DTNB: variants seen among roughly 807,000 people sequenced by gnomAD.
DTNB encodes DTN-B.
A neutral mutation model predicts 90.7 loss-of-function variants in DTNB; 63 were observed. The ratio of observed to expected loss-of-function variants is 0.69; its 90% confidence interval spans 0.57 to 0.86. DTNB has a LOEUF of 0.86. Among genes scored for constraint, DTNB ranks in the 40% least tolerant of loss-of-function variants. The pLI is 0.00. For missense variants in DTNB, 744 were observed against 807.1 expected (o/e 0.92, Z 0.95); for synonymous variants, 277 against 286.7 (o/e 0.97, Z 0.34).
At chr2:25,554,914 T>C (rs1483188504) in intron 8 of DTNB, among the ~76,000 whole-genome samples, 2 of 152,150 alleles carry the variant, frequency 1.3e-5, no homozygotes, top group Non-Finnish European at 2.9e-5. Flanking sequence ...AAATTTAAAA[T>C]AGAGGTTATC....
At chr2:25,435,633 A>G (rs2055485530) in intron 12 of DTNB, among the ~76,000 whole-genome samples, 1 of 152,174 alleles carries the variant, frequency 6.6e-6, no homozygotes, top group African/African-American at 2.4e-5. Flanking sequence ...TTGTTTACCC[A>G]TTCATCAGCT....
intron 9 of DTNB, among the ~76,000 whole-genome samples, chr2:25,526,395 A>ATATATATATATTTTT: frequency 1.9e-3 from 95 of 49,810 alleles, no homozygotes; most frequent in East Asian, 0.015. Context: ...ATATATATAT[A>ATATATATATATTTTT]TTTTTTTTTT....
At chr2:25,505,244 C>T (rs2072086037) in intron 9 of DTNB, among the ~76,000 whole-genome samples, 2 of 152,188 alleles carry the variant, frequency 1.3e-5, no homozygotes, top group Non-Finnish European at 2.9e-5. Flanking sequence ...CTGACAATGA[C>T]ACTCTTCCAG....
chr2:25,492,138 A>G (rs914881359), intron 9 of DTNB, among the ~76,000 whole-genome samples: 35 of 152,322 alleles, frequency 2.3e-4, no homozygotes, highest in African/African-American at 8.2e-4. Flanking sequence ...TGTTGTTTCT[A>G]TAGGAAGATA....
intron 12 of DTNB, among the ~76,000 whole-genome samples, chr2:25,436,757 A>T (rs1558520085): frequency 6.6e-6 from 1 of 152,188 alleles, no homozygotes; most frequent in Non-Finnish European, 1.5e-5. Context: ...TCAGAAAAGT[A>T]GCTTGCTTGA....
chr2:25,422,635 T>G (rs1286929892), intron 15 of DTNB, among the ~76,000 whole-genome samples: 1 of 151,940 alleles, frequency 6.6e-6, no homozygotes, highest in Non-Finnish European at 1.5e-5. Flanking sequence ...TGACCTCAGG[T>G]GATCCACCTG....
At chr2:25,378,358 C>T (rs1031255753) in intron 20 of DTNB, among the ~76,000 whole-genome samples, 4 of 152,162 alleles carry the variant, frequency 2.6e-5, no homozygotes, top group Admixed American at 6.5e-5. Flanking sequence ...CTCCTCAGCT[C>T]GCACAATCCA....
chr2:25,512,601 A>G (rs1234001327), intron 9 of DTNB, among the ~76,000 whole-genome samples: 1 of 152,260 alleles, frequency 6.6e-6, no homozygotes, highest in African/African-American at 2.4e-5. Context: ...TGATAAAACA[A>G]TAAGAGCTCA....
intron 12 of DTNB, 97 bp from the exon 13 acceptor site, chr2:25,434,092 T>A: frequency 9.0e-7 from 1 of 1,109,240 alleles, no homozygotes. Context: ...TTTTGACATA[T>A]AATTTACATA....
chr2:25,488,747 G>C (rs1291345730), intron 9 of DTNB, among the ~76,000 whole-genome samples: 2 of 152,190 alleles, frequency 1.3e-5, no homozygotes, highest in African/African-American at 4.8e-5. Flanking sequence ...CCACCTCCCA[G>C]GTTCAAGCGA....
At chr2:25,566,919 G>GTC (rs2059131110) in intron 8 of DTNB, among the ~76,000 whole-genome samples, 1 of 152,158 alleles carries the variant, frequency 6.6e-6, no homozygotes, top group Non-Finnish European at 1.5e-5. Context: ...GCTGAGGCAG[G>GTC]AAGTACAGAC....
rs553984024 is a variant in DTNB, at chr2:25,586,466, C to T, written c.604-5640G>A. 6.7e-5 allele frequency among the ~76,000 whole-genome samples: 10 copies of T among 149,338 alleles called. No individual in the cohort carries two copies. In the South Asian group the frequency reaches 1.7e-3, roughly 25 times the overall value. ...TGGAGGTTGCAGTGAGTCGAGATTG[C>T]GCCACTGCACTCCAGCCTGGGCGAC... On this transcript the variant is annotated intron_variant, in intron 6 of 20. Transcript: ENST00000406818.
chr2:25,652,254 T>C (rs1269617250), intron 2 of DTNB, among the ~76,000 whole-genome samples: 3 of 152,240 alleles, frequency 2.0e-5, no homozygotes, highest in African/African-American at 7.2e-5. Context: ...AGGTAATTTA[T>C]ATAATGTATT....
chr2:25,472,026 T>A (rs2062908936), intron 10 of DTNB, among the ~76,000 whole-genome samples: 2 of 152,216 alleles, frequency 1.3e-5, no homozygotes, highest in South Asian at 4.1e-4. Flanking sequence ...GTGATTTATT[T>A]GAAATAACTG....
At chr2:25,603,050 G>A (rs192015965) in intron 5 of DTNB, among the ~76,000 whole-genome samples, 1 of 152,092 alleles carries the variant, frequency 6.6e-6, no homozygotes, top group East Asian at 1.9e-4. Flanking sequence ...TCTTTTTAAA[G>A]CCTTCCTGAT....
At chr2:25,569,344 C>T (rs1326854791) in intron 8 of DTNB, among the ~76,000 whole-genome samples, 1 of 152,176 alleles carries the variant, frequency 6.6e-6, no homozygotes, top group African/African-American at 2.4e-5. Flanking sequence ...AAATATTTAT[C>T]AAGCGTCTCA....
chr2:25,639,935 A>G (rs554721376), intron 2 of DTNB, among the ~76,000 whole-genome samples: 3 of 152,348 alleles, frequency 2.0e-5, no homozygotes, highest in South Asian at 2.1e-4. Context: ...CAACCAAACC[A>G]GCATCGACTG....
At chr2:25,648,116 A>G (rs2079929251) in intron 2 of DTNB, among the ~76,000 whole-genome samples, 1 of 152,222 alleles carries the variant, frequency 6.6e-6, no homozygotes, top group African/African-American at 2.4e-5. Flanking sequence ...CACTTTGTAC[A>G]ATCAACTGGA....
rs139365701 is a variant in DTNB at position 25,521,978 on chromosome 2, G to A, written c.1001+9495C>T. On this transcript the variant is annotated intron_variant, in intron 9 of 20. Transcript: ENST00000406818. ...GAAATAAATCTACACAAACTGAAAT[G>A]CAATGGTGACTAACCACTAATTAAA... Among the ~76,000 whole-genome samples, 17 of 152,324 alleles carry A rather than the reference G, an allele frequency of 1.1e-4. No individual in the cohort carries two copies. In the East Asian group the frequency reaches 2.9e-3, roughly 26 times the overall value.
Sources: allele counts gnomAD v4.1 joint callset (sites outside exome capture counted in the v4.1 genomes callset), GRCh38; gene constraint gnomAD v4.1.1; transcripts MANE v1.5; gene names NCBI Gene and HGNC (gene_info 2026-07-23, HGNC 2026-07-21).